The following ANKS1A variants were observed in gnomAD, a reference collection of about 807,000 sequenced individuals.
ANKS1A encodes ankyrin repeat and SAM domain-containing protein 1A.
ANKS1A carries 55 observed loss-of-function variants against 120.3 expected under a neutral mutation model. That is an observed-to-expected ratio of 0.46 (90% CI 0.37 to 0.57). The LOEUF is 0.57. Ranked by LOEUF, ANKS1A falls within the 20% of genes least tolerant of loss-of-function variation. The probability of loss-of-function intolerance (pLI) is 0.00; values close to 1 mark genes in which losing one functional copy is unlikely to be tolerated. For missense variants in ANKS1A, 1,123 were observed against 1,480.3 expected, an observed-to-expected ratio of 0.76 and a Z score of 3.96; for synonymous variants, 590 against 604.7, an observed-to-expected ratio of 0.98 and a Z score of 0.36.
At chr6:34,986,290 C>T (rs1772197624) in intron 8 of ANKS1A, among the ~76,000 whole-genome samples, 1 of 152,156 alleles carries the variant, frequency 6.6e-6, no homozygotes, top group African/African-American at 2.4e-5. Flanking sequence ...TTACTTCTAG[C>T]CTTGTACATT....
rs1581613666 is a variant in ANKS1A, at chr6:34,994,295, C to A, written c.1303-7C>A. 3 of 1,612,720 alleles carry A rather than the reference C, an allele frequency of 1.9e-6. No individual in the cohort carries two copies. Among genetic ancestry groups the A allele is most frequent in the East Asian group, 4.5e-5 (2 of 44,806 alleles). On this transcript the variant is annotated splice_polypyrimidine_tract_variant and splice_region_variant and intron_variant, in intron 9 of 23. Coordinates refer to ENST00000360359, the MANE Select transcript of ANKS1A (RefSeq NM_015245.3). ...CACAAGATACACTGGATGTTTCTCT[C>A]CCTTAGGTTCTGTCCATGAGACCTA...
At chr6:34,914,996 A>G (rs1347740879) in intron 1 of ANKS1A, among the ~76,000 whole-genome samples, 1 of 152,182 alleles carries the variant, frequency 6.6e-6, no homozygotes, top group African/African-American at 2.4e-5. Flanking sequence ...ACCTTGGGCA[A>G]ATTATTTAAT....
chr6:35,085,602 A>G lies in ANKS1A; in HGVS notation c.3133-164A>G, dbSNP rs1777918326. 8.0e-6 allele frequency among the ~76,000 whole-genome samples: 1 copy of G among 125,002 alleles called. No homozygotes were observed. 82.0% of individuals were successfully genotyped at this position (125,002 alleles called of 152,430 possible). On this transcript the variant is annotated intron_variant, in intron 21 of 23. Coordinates refer to ENST00000360359, the MANE Select transcript of ANKS1A (RefSeq NM_015245.3). The surrounding 1 kb of genome is among the most constrained non-coding windows in gnomAD (Gnocchi z 4.7). The stretch of plus-strand genomic sequence containing the variant: ...CTGTGTAGAGCGGGAAGAACAACAG[A>G]GACCTAGGAAGAGTAAAGGAGGGAA...
At chr6:34,953,486 C>T (rs1466675590) in intron 1 of ANKS1A, among the ~76,000 whole-genome samples, 2 of 152,172 alleles carry the variant, frequency 1.3e-5, no homozygotes, top group Non-Finnish European at 2.9e-5. Flanking sequence ...TGGGAAATGT[C>T]TGTTTTTTAA....
In ANKS1A at chr6:35,066,446, A is replaced by G. The variant is rs949417429; in HGVS notation, c.2184+6193A>G. On this transcript the variant is annotated intron_variant, in intron 13 of 23. Transcript: ENST00000360359. ...CACCTTGACCTCAGCCAAGACCTCA[A>G]AGAGGAAGGTGTTTCAGGATGGCAG... Among the ~76,000 whole-genome samples the G allele has an allele frequency of 2.8e-4, 42 of 152,178 alleles. 1 individual carries two copies. The highest frequency in any genetic ancestry group is 1.0e-4 in the Non-Finnish European group (7 of 67,998).
intron 13 of ANKS1A, among the ~76,000 whole-genome samples, chr6:35,075,306 C>G (rs1262893996): frequency 1.2e-4 from 18 of 151,900 alleles, no homozygotes; most frequent in Non-Finnish European, 1.5e-5. Context: ...GTACACTTAG[C>G]TACAAAAAAT....
At chr6:34,893,271 G>A (rs540569008) in intron 1 of ANKS1A, among the ~76,000 whole-genome samples, 2 of 152,260 alleles carry the variant, frequency 1.3e-5, no homozygotes, top group Non-Finnish European at 2.9e-5. Context: ...TGTTGCACCT[G>A]TTCTGTGCAA....
At chr6:34,965,747 A>G (rs543391005) in intron 1 of ANKS1A, among the ~76,000 whole-genome samples, 33 of 147,886 alleles carry the variant, frequency 2.2e-4, no homozygotes, top group African/African-American at 7.7e-4. Flanking sequence ...GTGCTCTGTC[A>G]TTGTCTTTTT....
At position 35,078,709 on chromosome 6, in the gene ANKS1A, C is replaced by T; in HGVS notation, c.2283+53C>T. 5.3e-6 allele frequency: 8 copies of T among 1,513,926 alleles called. 1 individual carries two copies. The South Asian group carries it at 9.0e-5, about 17-fold the overall frequency. 93.8% of individuals were successfully genotyped at this position (1,513,926 alleles called of 1,614,324 possible). The stretch of plus-strand genomic sequence containing the variant: ...GCCCGTGCGGAGCCAGGGCCACCTC[C>T]CTAGCACCACCTGCACCAAGAACAG... On this transcript the variant is annotated intron_variant, in intron 14 of 23. Coordinates refer to ENST00000360359, the MANE Select transcript of ANKS1A (RefSeq NM_015245.3).
chr6:35,089,983 T>C lies in ANKS1A; in HGVS notation c.*1374T>C, dbSNP rs1412584394. The C allele has an allele frequency of 1.0e-5, 12 of 1,173,738 alleles. No homozygotes were observed. The highest frequency in any genetic ancestry group is 1.3e-5 in the Non-Finnish European group (12 of 932,370). 72.7% of individuals were successfully genotyped at this position (1,173,738 alleles called of 1,614,324 possible). A position where few individuals can be genotyped will look rare whatever the true frequency, so the allele number is the denominator to read the frequency against. ...TGTGAATTTGAATTCTTTGTTGGTATGTATGTGCAGGGAGTACTGTTAGGC... is the reference window on the plus strand; with the variant it reads ...TGTGAATTTGAATTCTTTGTTGGTACGTATGTGCAGGGAGTACTGTTAGGC... On this transcript the variant is annotated 3_prime_UTR_variant, in exon 24 of 24. Transcript: ENST00000360359.
chr6:34,897,519 G>T (rs1447099240), intron 1 of ANKS1A, among the ~76,000 whole-genome samples: 1 of 152,164 alleles, frequency 6.6e-6, no homozygotes, highest in Non-Finnish European at 1.5e-5. Context: ...AGAAAAATCA[G>T]GCTCTCCTGT....
In ANKS1A at chr6:35,085,686, T is replaced by C. The variant is rs535093784; in HGVS notation, c.3133-80T>C. On this transcript the variant is annotated intron_variant, in intron 21 of 23. Coordinates refer to ENST00000360359, the MANE Select transcript of ANKS1A (RefSeq NM_015245.3). The surrounding 1 kb of genome is among the most constrained non-coding windows in gnomAD (Gnocchi z 4.7). ...CCGGGTAGACTTAGAGGGGGACACATGGTCCCTGCGAGGAAGGGCATATCC... is the reference window on the plus strand; with the variant it reads ...CCGGGTAGACTTAGAGGGGGACACACGGTCCCTGCGAGGAAGGGCATATCC... 1.5e-4 allele frequency: 213 copies of C among 1,434,060 alleles called. 1 individual carries two copies. The African/African-American group carries it at 1.8e-3, about 12-fold the overall frequency. 88.8% of individuals were successfully genotyped at this position (1,434,060 alleles called of 1,614,324 possible).
chr6:34,981,953 C>G lies in ANKS1A; in HGVS notation c.699C>G (p.Val233=). ...ARNGHKAVVQ[V]LLDAGMDSNY... ...ATGGCCACAAAGCCGTGGTCCAGGT[C>G]CTCCTCGATGCTGGCATGGACAGCA... is the stretch of plus-strand genomic sequence containing the variant. Residue 233 remains valine, a synonymous_variant, in exon 4 of 24, where the codon GTC becomes GTG. Transcript: ENST00000360359. 6.2e-7 allele frequency: 1 copy of G among 1,614,212 alleles called. No homozygotes were observed. Among genetic ancestry groups the G allele is most frequent in the Non-Finnish European group, 8.5e-7 (1 of 1,180,032 alleles).
At chr6:34,948,744 G>A (rs1769924646) in intron 1 of ANKS1A, among the ~76,000 whole-genome samples, 1 of 152,120 alleles carries the variant, frequency 6.6e-6, no homozygotes, top group Admixed American at 6.6e-5. Flanking sequence ...AAATGATTCT[G>A]AGCTGTGAAA....
At chr6:35,040,001 A>G (rs895068261) in intron 11 of ANKS1A, among the ~76,000 whole-genome samples, 7 of 152,310 alleles carry the variant, frequency 4.6e-5, no homozygotes, top group Non-Finnish European at 8.8e-5. Flanking sequence ...CCTCTTCTAT[A>G]TAAACCCTAC....
At chr6:34,972,465 G>A (rs1771232209) in intron 3 of ANKS1A, 1 of 262,984 alleles carries the variant, frequency 3.8e-6, no homozygotes, top group African/African-American at 2.3e-5. Context: ...TCCCTTTGAG[G>A]CATCCAGAGG....
At chr6:35,031,025 G>A (rs1222960932) in intron 11 of ANKS1A, among the ~76,000 whole-genome samples, 1 of 152,140 alleles carries the variant, frequency 6.6e-6, no homozygotes, top group African/African-American at 2.4e-5. Flanking sequence ...GGTTTGATGC[G>A]CATCTTAGTC....
intron 1 of ANKS1A, among the ~76,000 whole-genome samples, chr6:34,940,738 G>A (rs932945163): frequency 7.2e-5 from 11 of 151,802 alleles, no homozygotes; most frequent in East Asian, 2.0e-4. Context: ...ATGAAACCCC[G>A]TCTCTACTAA....
At chr6:34,955,288 C>G (rs1054733186) in intron 1 of ANKS1A, among the ~76,000 whole-genome samples, 1 of 152,058 alleles carries the variant, frequency 6.6e-6, no homozygotes, top group South Asian at 2.1e-4. Flanking sequence ...AGGTGCCCAC[C>G]ACCACACCCA....
Sources: allele counts gnomAD v4.1 joint callset (sites outside exome capture counted in the v4.1 genomes callset), GRCh38; gene constraint gnomAD v4.1.1; non-coding constraint Gnocchi (gnomAD v3.1); transcripts MANE v1.5; gene names NCBI Gene and HGNC (gene_info 2026-07-23, HGNC 2026-07-21).